Variants in CDKL1 observed in about 807,000 individuals in gnomAD.
CDKL1 encodes cyclin-dependent kinase-like 1.
CDKL1 carries 41 observed loss-of-function variants against 42.0 expected under a neutral mutation model. The ratio of observed to expected loss-of-function variants is 0.98; its 90% confidence interval spans 0.76 to 1.27. The LOEUF (loss-of-function observed/expected upper bound fraction) is 1.27, where lower values mean the gene tolerates loss of function less well. Among genes scored for constraint, CDKL1 ranks in the 50% most tolerant of loss-of-function variants. CDKL1 has a pLI of 0.00. For missense variants in CDKL1, 394 were observed against 428.4 expected (o/e 0.92, Z 0.71); for synonymous variants, 153 against 158.6 (o/e 0.96, Z 0.26).
chr14:50,365,389 T>C (rs879517988), intron 2 of CDKL1, among the ~76,000 whole-genome samples: 1 of 152,178 alleles, frequency 6.6e-6, no homozygotes, highest in African/African-American at 2.4e-5. Context: ...TGATAACTTA[T>C]CTCTCAACCT....
intron 2 of CDKL1, among the ~76,000 whole-genome samples, chr14:50,380,807 T>G (rs952831945): frequency 6.6e-6 from 1 of 150,734 alleles, no homozygotes; most frequent in South Asian, 2.2e-4. Context: ...ACTTCCTTTT[T>G]TTTTTGGGAC....
At chr14:50,341,264 G>A in intron 5 of CDKL1, 32 bp from the exon 6 acceptor site, 1 of 1,551,768 alleles carries the variant, frequency 6.4e-7, no homozygotes, top group South Asian at 1.2e-5. Context: ...AAAACAAACA[G>A]CAGCGGAAGG....
intron 2 of CDKL1, among the ~76,000 whole-genome samples, chr14:50,360,809 TG>T (rs1190302181): frequency 2.6e-5 from 4 of 151,770 alleles, no homozygotes; most frequent in Non-Finnish European, 5.9e-5. Context: ...TGTGTGTGTG[TG>T]TGTGTGTGTG....
At chr14:50,389,692 G>A (rs999679527) in intron 2 of CDKL1, among the ~76,000 whole-genome samples, 2 of 152,112 alleles carry the variant, frequency 1.3e-5, no homozygotes, top group African/African-American at 4.8e-5. Context: ...AGTCCATAGG[G>A]TTATGGAATG....
chr14:50,349,845 T>C (rs2033845301), intron 3 of CDKL1, among the ~76,000 whole-genome samples: 4 of 152,150 alleles, frequency 2.6e-5, no homozygotes, highest in Admixed American at 2.0e-4. Context: ...CTTGGCTCAC[T>C]GCAACTTTCT....
chr14:50,333,390 A>C (rs1446290752), intron 8 of CDKL1: 1 of 152,224 alleles, frequency 6.6e-6, no homozygotes, highest in Admixed American at 6.5e-5. Context: ...ATGTGTTAGC[A>C]TGCTAAAAGA....
intron 7 of CDKL1, among the ~76,000 whole-genome samples, chr14:50,337,735 G>C (rs1472226389): frequency 4.8e-5 from 7 of 145,432 alleles, no homozygotes; most frequent in Non-Finnish European, 9.0e-5. Context: ...GCCCAGGCTA[G>C]AGTGCAGCGA....
intron 2 of CDKL1, among the ~76,000 whole-genome samples, chr14:50,392,086 C>T (rs914776934): frequency 6.6e-6 from 1 of 152,206 alleles, no homozygotes; most frequent in Non-Finnish European, 1.5e-5. Flanking sequence ...AATGGCTAAT[C>T]CTAAATCTAC....
At chr14:50,339,426 G>C (rs1268945169) in intron 6 of CDKL1, among the ~76,000 whole-genome samples, 1 of 151,542 alleles carries the variant, frequency 6.6e-6, no homozygotes, top group African/African-American at 2.4e-5. Context: ...ATCCTGATAG[G>C]TGAAGATAAA....
At position 50,361,622 on chromosome 14, in the gene CDKL1, C is replaced by T. The variant is rs781564506; in HGVS notation, c.169-2473G>A. Among the ~76,000 whole-genome samples the T allele has an allele frequency of 3.0e-4, 46 of 152,234 alleles. 1 individual carries two copies. Among genetic ancestry groups the T allele is most frequent in the Admixed American group, 1.6e-3 (24 of 15,286 alleles). ...AGAGAGCACCCCCCTCAACCTTGAG[C>T]TCTTTATACGGGTGCTAATCCCATT... On this transcript the variant is annotated intron_variant, in intron 2 of 9. Transcript: ENST00000395834.
At chr14:50,333,299 C>G (rs1202480334) in intron 8 of CDKL1, 1 of 152,116 alleles carries the variant, frequency 6.6e-6, no homozygotes, top group African/African-American at 2.4e-5. Context: ...AAACAGGATG[C>G]AGTAAAGAAG....
intron 2 of CDKL1, among the ~76,000 whole-genome samples, chr14:50,366,741 G>A (rs74596127): frequency 0.021 from 3,141 of 151,344 alleles, 122 homozygotes; most frequent in African/African-American, 0.071. Context: ...TGTGGTGATC[G>A]GCTGGAGGTG....
chr14:50,335,497 TCTC>T lies in CDKL1; in HGVS notation c.739-879_739-877del, dbSNP rs2033218061. 3.3e-6 allele frequency: 5 copies of T among 1,535,966 alleles called. No individual in the cohort carries two copies. The South Asian group carries it at 4.8e-5, about 15-fold the overall frequency. ...CAGTCTCCTGTGGGGCATTCGTCAA[TCTC>T]CTTTTGGCCGTATAAGGCGATTTTG... On this transcript the variant is annotated intron_variant, in intron 7 of 9. Coordinates refer to ENST00000395834, the MANE Select transcript of CDKL1 (RefSeq NM_004196.7).
At chr14:50,367,015 A>G (rs780146851) in intron 2 of CDKL1, among the ~76,000 whole-genome samples, 6 of 152,208 alleles carry the variant, frequency 3.9e-5, no homozygotes, top group Non-Finnish European at 5.9e-5. Flanking sequence ...GAAGCCATAG[A>G]CAGAGAGAGG....
chr14:50,390,292 C>A, intron 2 of CDKL1: 1 of 1,366,250 alleles, frequency 7.3e-7, no homozygotes, highest in Non-Finnish European at 9.8e-7. Flanking sequence ...ATAGGTAGAA[C>A]GTCTGCCCAG....
At chr14:50,395,064 A>T (rs2035359768) in intron 2 of CDKL1, among the ~76,000 whole-genome samples, 1 of 152,250 alleles carries the variant, frequency 6.6e-6, no homozygotes, top group Non-Finnish European at 1.5e-5. Flanking sequence ...GCTCAGCAGT[A>T]AATACATATG....
intron 3 of CDKL1, among the ~76,000 whole-genome samples, chr14:50,349,565 G>C (rs541658870): frequency 1.8e-4 from 28 of 152,286 alleles, no homozygotes; most frequent in African/African-American, 6.7e-4. Flanking sequence ...AGGACAGTGT[G>C]ACCCAAGAGC....
At chr14:50,362,900 A>G in intron 2 of CDKL1, 1 of 442,804 alleles carries the variant, frequency 2.3e-6, no homozygotes, top group South Asian at 1.6e-5. Flanking sequence ...CCTGGGCACC[A>G]TTCACACTGT....
Position 50,365,600 on chromosome 14 carries a change from G to T in CDKL1, c.169-6451C>A, listed in dbSNP as rs76002737. On this transcript the variant is annotated intron_variant, in intron 2 of 9. Transcript: ENST00000395834. ...CCCTTATGAAGCCAGTCCCCGTCTA[G>T]CTGTGTTCATATATTCAACAAATAT... 7.2e-3 allele frequency among the ~76,000 whole-genome samples: 1,103 copies of T among 152,236 alleles called. 10 individuals carry two copies. Among genetic ancestry groups the T allele is most frequent in the Middle Eastern group, 0.051 (15 of 294 alleles).
Sources: gnomAD v4.1 joint callset for allele counts (sites outside exome capture counted in the v4.1 genomes callset) on GRCh38, gnomAD v4.1.1 for gene constraint, MANE v1.5 for transcripts, NCBI Gene and HGNC (gene_info 2026-07-23, HGNC 2026-07-21) for gene names.